The following WSCD2 variants were observed in gnomAD, a reference collection of about 807,000 sequenced individuals.
WSCD2 encodes sialate:O-sulfotransferase 2.
Under a neutral mutation model 55.7 loss-of-function variants are expected in WSCD2, and 28 were observed. The observed-to-expected ratio is 0.50, with a 90% CI of 0.37 to 0.69. WSCD2 has a LOEUF of 0.69. Ranked by LOEUF, WSCD2 falls within the 30% of genes least tolerant of loss-of-function variation. WSCD2 has a pLI of 0.00. For synonymous variants in WSCD2, 301 were observed against 301.9 expected (o/e 1.00, Z 0.03); for missense variants, 616 against 762.1 (o/e 0.81, Z 2.26).
At chr12:108,232,053 A>C (rs1467719569) in intron 6 of WSCD2, among the ~76,000 whole-genome samples, 1 of 152,244 alleles carries the variant, frequency 6.6e-6, no homozygotes, top group Admixed American at 6.5e-5. Flanking sequence ...ATGTCAGGAC[A>C]CAGCAAAGCA....
At chr12:108,213,601 G>T (rs137878939) in intron 4 of WSCD2, among the ~76,000 whole-genome samples, 302 of 152,304 alleles carry the variant, frequency 2.0e-3, no homozygotes, top group African/African-American at 6.9e-3. Context: ...GCCTTGAAAG[G>T]TTGTTGCCTG....
chr12:108,133,505 T>C (rs1326391661), intron 1 of WSCD2, among the ~76,000 whole-genome samples: 2 of 152,158 alleles, frequency 1.3e-5, no homozygotes, highest in Non-Finnish European at 2.9e-5. Flanking sequence ...TCTAGGGGTA[T>C]AAACAAGTGT....
At chr12:108,174,105 C>T (rs550252265) in intron 1 of WSCD2, among the ~76,000 whole-genome samples, 3 of 152,126 alleles carry the variant, frequency 2.0e-5, no homozygotes, top group Admixed American at 2.0e-4. Context: ...AAACCGAGGC[C>T]CAGTCACTTG....
chr12:108,157,695 A>G (rs1032171757), intron 1 of WSCD2, among the ~76,000 whole-genome samples: 6 of 152,162 alleles, frequency 3.9e-5, no homozygotes, highest in Admixed American at 1.3e-4. Context: ...GTCTCCCCCA[A>G]GTTCCCTACC....
chr12:108,209,861 C>T (rs188092891), intron 3 of WSCD2, among the ~76,000 whole-genome samples: 1 of 152,100 alleles, frequency 6.6e-6, no homozygotes, highest in Admixed American at 6.5e-5. Flanking sequence ...CCTCCCTAAT[C>T]TCATTTATTT....
intron 3 of WSCD2, 137 bp downstream of exon 3, chr12:108,206,540 T>G (rs1028465275): frequency 4.3e-5 from 34 of 785,836 alleles, no homozygotes; most frequent in Non-Finnish European, 6.8e-5. Context: ...GACGCAAGGG[T>G]GTGTGTGCAT....
chr12:108,236,354 C>A (rs1205365803), intron 7 of WSCD2, among the ~76,000 whole-genome samples: 1 of 152,172 alleles, frequency 6.6e-6, no homozygotes, highest in African/African-American at 2.4e-5. Flanking sequence ...TTCCCTCAGT[C>A]TGGAAAAGGG....
intron 2 of WSCD2, among the ~76,000 whole-genome samples, chr12:108,198,428 GCTC>G (rs1884234078): frequency 6.6e-6 from 1 of 152,130 alleles, no homozygotes; most frequent in African/African-American, 2.4e-5. Flanking sequence ...TTGATCAAAT[GCTC>G]CTCCTCTATG....
chr12:108,229,079 C>A (rs1160596779), intron 6 of WSCD2, among the ~76,000 whole-genome samples: 1 of 152,196 alleles, frequency 6.6e-6, no homozygotes, highest in African/African-American at 2.4e-5. Context: ...TGCCCTACCC[C>A]CAGGCCATTA....
chr12:108,140,292 C>T (rs1876654522), intron 1 of WSCD2, among the ~76,000 whole-genome samples: 1 of 152,138 alleles, frequency 6.6e-6, no homozygotes, highest in Non-Finnish European at 1.5e-5. Flanking sequence ...TGGCGCCTAG[C>T]ATATGGTACA....
chr12:108,196,029 T>C lies in WSCD2; in HGVS notation c.197T>C (p.Phe66Ser). 6.2e-7 allele frequency: 1 copy of C among 1,614,178 alleles called. No individual in the cohort carries two copies. The highest frequency in any genetic ancestry group is 1.1e-5 in the South Asian group (1 of 91,084). ...CCAGCTGAGGGTGCTGAGCTGTCCT[T>C]CTTGGGTGACATGCATCTGGGCAGA... is the stretch of plus-strand genomic sequence containing the variant. Reference protein sequence around the residue: ...GGPAEGAELSFLGDMHLGRGF... With the variant: ...GGPAEGAELSSLGDMHLGRGF... The change falls in exon 2 of 9, where the codon TTC (phenylalanine) becomes TCC (serine). Residue 66 changes from phenylalanine (F) to serine (S), a missense_variant. By Grantham distance (155) the Phe-to-Ser change is radical. Transcript: ENST00000547525.
chr12:108,130,475 GGTGTGTGTGTGTGTGTGTGTGT>G lies in WSCD2; in HGVS notation c.-552+574_-552+595del, dbSNP rs559546028. On this transcript the variant is annotated intron_variant, in intron 1 of 8. Transcript: ENST00000547525. ...GCAGATTTGCTTATGTCCATTCTGG[GGTGTGTGTGTGTGTGTGTGTGT>G]GTGTGTGTGTGTGTGTGTGTGTGTA... 4.1e-4 allele frequency among the ~76,000 whole-genome samples: 55 copies of G among 134,512 alleles called. 1 individual carries two copies. Among genetic ancestry groups the G allele is most frequent in the East Asian group, 1.4e-3 (6 of 4,300 alleles). 88.2% of individuals were successfully genotyped at this position (134,512 alleles called of 152,430 possible). A position where few individuals can be genotyped will look rare whatever the true frequency, so the allele number is the denominator to read the frequency against.
At chr12:108,135,434 TCAAA>T (rs748198048) in intron 1 of WSCD2, among the ~76,000 whole-genome samples, 2 of 152,218 alleles carry the variant, frequency 1.3e-5, no homozygotes, top group Non-Finnish European at 1.5e-5. Context: ...GTTGTAAGGA[TCAAA>T]CAAAGTAATT....
chr12:108,147,889 G>T (rs1405738631), intron 1 of WSCD2, among the ~76,000 whole-genome samples: 1 of 151,426 alleles, frequency 6.6e-6, no homozygotes, highest in African/African-American at 2.4e-5. Flanking sequence ...AAAAGAAAAT[G>T]ACCATACTCT....
intron 4 of WSCD2, among the ~76,000 whole-genome samples, chr12:108,212,611 T>TCACACACAGACACA (rs1290412170): frequency 0.011 from 1,267 of 110,676 alleles, 15 homozygotes; most frequent in African/African-American, 0.044. Flanking sequence ...TCTCTCTCTC[T>TCACACACAGACACA]CTCACACACA....
At chr12:108,240,604 G>T in intron 8 of WSCD2, 60 bp downstream of exon 8, 1 of 1,430,310 alleles carries the variant, frequency 7.0e-7, no homozygotes. Context: ...GGGGGCGGTG[G>T]GAGGGTCCCG....
At chr12:108,180,400 G>C (rs1409937971) in intron 1 of WSCD2, among the ~76,000 whole-genome samples, 1 of 152,230 alleles carries the variant, frequency 6.6e-6, no homozygotes, top group East Asian at 1.9e-4. Flanking sequence ...TGATGCATTT[G>C]TGCAGTTTGT....
chr12:108,180,761 AT>A (rs1373579690), intron 1 of WSCD2, among the ~76,000 whole-genome samples: 3 of 152,210 alleles, frequency 2.0e-5, no homozygotes, highest in Non-Finnish European at 4.4e-5. Context: ...CCACTACATA[AT>A]TTGCAGGGTG....
intron 1 of WSCD2, among the ~76,000 whole-genome samples, chr12:108,170,799 T>C (rs902724425): frequency 6.6e-6 from 1 of 152,204 alleles, no homozygotes; most frequent in African/African-American, 2.4e-5. Flanking sequence ...TTTTACAGAA[T>C]GGTAGGCAAG....
Sources: allele counts gnomAD v4.1 joint callset (sites outside exome capture counted in the v4.1 genomes callset), GRCh38; gene constraint gnomAD v4.1.1; transcripts MANE v1.5; gene names NCBI Gene and HGNC (gene_info 2026-07-23, HGNC 2026-07-21).